BMP2K: variants seen among roughly 807,000 people sequenced by gnomAD.
BMP2K encodes the protein BMP2 inducible kinase.
A neutral mutation model predicts 116.0 loss-of-function variants in BMP2K; 74 were observed. The observed-to-expected ratio is 0.64, with a 90% confidence interval of 0.53 to 0.77. BMP2K has a LOEUF of 0.77. Ranked by LOEUF, BMP2K falls within the 30% of genes least tolerant of loss-of-function variation. The probability of loss-of-function intolerance (pLI) is 0.00; values close to 1 mark genes in which losing one functional copy is unlikely to be tolerated. For missense variants in BMP2K, 1,365 were observed against 1,403.6 expected (o/e 0.97, Z 0.44); for synonymous variants, 486 against 502.5 (o/e 0.97, Z 0.44).
In BMP2K at chr4:78,826,020, G is replaced by A; in HGVS notation, c.179-17G>A. ...GTTTTTGTTTCTTTTAAATTAATTGGTGCTTTGTTTTTCTAGGTGGATTCT... is the reference window on the plus strand; with the variant it reads ...GTTTTTGTTTCTTTTAAATTAATTGATGCTTTGTTTTTCTAGGTGGATTCT... On this transcript the variant is annotated splice_polypyrimidine_tract_variant and intron_variant, in intron 1 of 15. Coordinates refer to ENST00000502613, the MANE Select transcript of BMP2K (RefSeq NM_198892.2). The A allele has an allele frequency of 1.9e-6, 3 of 1,568,384 alleles. No homozygotes were observed. Among genetic ancestry groups the A allele is most frequent in the South Asian group, 1.1e-5 (1 of 88,544 alleles).
chr4:78,897,442 T>G (rs1280599874), intron 15 of BMP2K, among the ~76,000 whole-genome samples: 1 of 144,406 alleles, frequency 6.9e-6, no homozygotes, highest in African/African-American at 2.9e-5. Context: ...CTGCTATAAT[T>G]GAATTAAAAA....
At chr4:78,905,352 G>C (rs1359095483) in intron 15 of BMP2K, among the ~76,000 whole-genome samples, 1 of 151,754 alleles carries the variant, frequency 6.6e-6, no homozygotes, top group South Asian at 2.1e-4. Context: ...AGAATATCTT[G>C]ACTAGAAACC....
In BMP2K at chr4:78,825,081, A is replaced by G. The variant is rs1299479125; in HGVS notation, c.179-956A>G. On this transcript the variant is annotated intron_variant, in intron 1 of 15. Coordinates refer to ENST00000502613, the MANE Select transcript of BMP2K (RefSeq NM_198892.2). Reference sequence around the variant, plus strand: ...TAGCCAGGTGTGGTGGCAGGCGCCTATAGTCCCAGCGACTTGGGAGGCTGA... The same window carrying G: ...TAGCCAGGTGTGGTGGCAGGCGCCTGTAGTCCCAGCGACTTGGGAGGCTGA... Among the ~76,000 whole-genome samples, 4 of 152,108 alleles carry G rather than the reference A, an allele frequency of 2.6e-5. No homozygotes were observed. In the East Asian group the frequency reaches 5.8e-4, roughly 22 times the overall value.
chr4:78,789,408 G>A (rs1369953329), intron 1 of BMP2K, among the ~76,000 whole-genome samples: 1 of 152,082 alleles, frequency 6.6e-6, no homozygotes, highest in East Asian at 1.9e-4. Flanking sequence ...TGCTGTATAG[G>A]CATTGGCCTG....
chr4:78,884,052 A>G (rs763541029), intron 14 of BMP2K, among the ~76,000 whole-genome samples: 1 of 152,068 alleles, frequency 6.6e-6, no homozygotes, highest in Admixed American at 6.5e-5. Flanking sequence ...CTCACAAACA[A>G]ACGTGCTGAG....
At chr4:78,872,097 G>A in intron 12 of BMP2K, 149 bp downstream of exon 12, 1 of 644,820 alleles carries the variant, frequency 1.6e-6, no homozygotes, top group Non-Finnish European at 2.6e-6. Flanking sequence ...ATATTCTCAA[G>A]CAGCTTTAAA....
intron 7 of BMP2K, among the ~76,000 whole-genome samples, chr4:78,858,710 CTT>C (rs1189684771): frequency 6.6e-6 from 1 of 151,812 alleles, no homozygotes; most frequent in Non-Finnish European, 1.5e-5. Context: ...TATTAGCAAA[CTT>C]AAGAATATCT....
At position 78,861,467 on chromosome 4, in the gene BMP2K, A is replaced by G. The variant is rs1343037705; in HGVS notation, c.1066A>G (p.Arg356Gly). 1.9e-6 allele frequency: 3 copies of G among 1,605,280 alleles called. No individual in the cohort carries two copies. Among genetic ancestry groups the G allele is most frequent in the Non-Finnish European group, 2.6e-6 (3 of 1,173,722 alleles). ...AAARKSQIKA[R>G]ITDTIGPTET... is the part of the protein sequence containing the mutation. ...TGCTAGGAAAAGCCAAATAAAAGCC[A>G]GGTAGGCAAAACTATGCTGAAATTG... The change falls in exon 9 of 16, where the codon AGA becomes GGA. Residue 356 changes from arginine to glycine, a missense_variant and splice_region_variant. Physicochemically the swap from Arg to Gly is moderately radical, Grantham distance 125. This residue lies in a region of BMP2K where 762 missense variants were observed against 756.7 expected (regional missense o/e 1.01). Transcript: ENST00000502613.
chr4:78,790,422 A>G (rs1727942947), intron 1 of BMP2K, among the ~76,000 whole-genome samples: 1 of 152,210 alleles, frequency 6.6e-6, no homozygotes, highest in South Asian at 2.1e-4. Context: ...AATAAATTAC[A>G]TTCGTAATAG....
At chr4:78,851,107 G>T in intron 7 of BMP2K, 51 bp downstream of exon 7, 5 of 1,461,452 alleles carry the variant, frequency 3.4e-6, no homozygotes, top group Non-Finnish European at 4.6e-6. Context: ...TGTACTTAGG[G>T]CCTACTATTT....
At chr4:78,834,224 AATC>A (rs1030545809) in intron 3 of BMP2K, among the ~76,000 whole-genome samples, 6 of 151,822 alleles carry the variant, frequency 4.0e-5, no homozygotes, top group Non-Finnish European at 7.4e-5. Context: ...AGCATACCTT[AATC>A]ATCATCATCA....
At chr4:78,875,168 A>G (rs1472841070) in intron 13 of BMP2K, among the ~76,000 whole-genome samples, 1 of 152,218 alleles carries the variant, frequency 6.6e-6, no homozygotes, top group Non-Finnish European at 1.5e-5. Flanking sequence ...ATCAGATTGT[A>G]TGTTGAGTAT....
intron 15 of BMP2K, among the ~76,000 whole-genome samples, chr4:78,903,661 T>C (rs1377691495): frequency 3.0e-4 from 46 of 151,980 alleles, no homozygotes; most frequent in Non-Finnish European, 2.9e-5. Context: ...TAAAGCCTTA[T>C]AGTGTTTCTA....
intron 1 of BMP2K, among the ~76,000 whole-genome samples, chr4:78,815,781 G>C (rs2109980931): frequency 6.6e-6 from 1 of 152,244 alleles, no homozygotes; most frequent in East Asian, 1.9e-4. Flanking sequence ...GTAGGACAGA[G>C]GGTATTATAG....
At position 78,823,538 on chromosome 4, in the gene BMP2K, TTA is replaced by T. The variant is rs567586126; in HGVS notation, c.179-2490_179-2489del. Among the ~76,000 whole-genome samples the T allele has an allele frequency of 2.7e-3, 401 of 147,734 alleles. 1 individual carries two copies. Among genetic ancestry groups the T allele is most frequent in the Non-Finnish European group, 4.6e-3 (310 of 67,140 alleles). On this transcript the variant is annotated intron_variant, in intron 1 of 15. Transcript: ENST00000502613. ...GTTATATATATAGTTATATATATGG[TTA>T]TATATATAGTTATATATAGTTATAT...
chr4:78,836,176 G>A (rs1212784972), intron 3 of BMP2K, among the ~76,000 whole-genome samples: 3 of 152,058 alleles, frequency 2.0e-5, no homozygotes, highest in African/African-American at 7.2e-5. Flanking sequence ...CCAGCACTTT[G>A]GGAGGCTGAG....
At chr4:78,877,802 A>G (rs1732701654) in intron 13 of BMP2K, among the ~76,000 whole-genome samples, 2 of 152,202 alleles carry the variant, frequency 1.3e-5, no homozygotes. Flanking sequence ...CATCACCACA[A>G]ACACATGAGT....
chr4:78,830,756 T>C (rs886532947), intron 2 of BMP2K, among the ~76,000 whole-genome samples: 19 of 152,380 alleles, frequency 1.2e-4, no homozygotes, highest in Admixed American at 5.9e-4. Context: ...CTACTGCAGC[T>C]TTCCTCACTT....
chr4:78,776,375 C>G lies in BMP2K; in HGVS notation c.-169C>G. 1.7e-6 allele frequency: 1 copy of G among 583,158 alleles called. No homozygotes were observed. Among genetic ancestry groups the G allele is most frequent in the Non-Finnish European group, 2.2e-6 (1 of 444,734 alleles). The allele number at this position is 583,158 out of a possible 1,614,324, so 36.1% of individuals were successfully genotyped here. A position where few individuals can be genotyped will look rare whatever the true frequency, so the allele number is the denominator to read the frequency against. ...AGCTGCAGCGGAGCCGCGGAGCGGGCGGCGGGGCCCAGGCTGTGCGCTTGG... is the reference window on the plus strand; with the variant it reads ...AGCTGCAGCGGAGCCGCGGAGCGGGGGGCGGGGCCCAGGCTGTGCGCTTGG... On this transcript the variant is annotated 5_prime_UTR_variant, in exon 1 of 16. Coordinates refer to ENST00000502613, the MANE Select transcript of BMP2K (RefSeq NM_198892.2).
Sources: allele counts gnomAD v4.1 joint callset (sites outside exome capture counted in the v4.1 genomes callset), GRCh38; gene constraint gnomAD v4.1.1; regional missense constraint gnomAD v4.1.1; transcripts MANE v1.5; gene names NCBI Gene and HGNC (gene_info 2026-07-23, HGNC 2026-07-21).